The following PCNX2 variants were observed in gnomAD, a reference collection of about 807,000 sequenced individuals.
PCNX2 encodes pecanex-like protein 2.
PCNX2 carries 168 observed loss-of-function variants against 223.8 expected under a neutral mutation model. The ratio of observed to expected loss-of-function variants is 0.75; its 90% CI spans 0.66 to 0.85. PCNX2 has a LOEUF of 0.85. PCNX2 is among the 40% of genes least tolerant of loss of function. PCNX2 has a pLI of 0.00. For synonymous variants in PCNX2, 1,006 were observed against 1,052.6 expected (o/e 0.96, Z 0.86); for missense variants, 2,507 against 2,675.5 (o/e 0.94, Z 1.39).
intron 16 of PCNX2, among the ~76,000 whole-genome samples, chr1:233,178,459 A>T (rs184372082): frequency 5.9e-5 from 9 of 152,346 alleles, no homozygotes; most frequent in Admixed American, 5.2e-4. Context: ...CCAGTGCCAG[A>T]GTACACGTTA....
intron 28 of PCNX2, among the ~76,000 whole-genome samples, chr1:233,007,599 G>A (rs758213892): frequency 2.0e-5 from 3 of 152,110 alleles, no homozygotes; most frequent in East Asian, 3.8e-4. Context: ...GTGCCGTGGC[G>A]TGATCTCAAC....
At chr1:233,217,973 T>G (rs747309912) in intron 11 of PCNX2, 42 bp from the exon 12 acceptor site, 2 of 1,613,608 alleles carry the variant, frequency 1.2e-6, no homozygotes, top group Non-Finnish European at 1.7e-6. Context: ...CATCTCATGA[T>G]TTCAAGGCTA....
In PCNX2 at chr1:233,126,517, T is replaced by TTTG. The variant is rs1676109610; in HGVS notation, c.3837+8495_3837+8496insCAA. 2.0e-5 allele frequency among the ~76,000 whole-genome samples: 3 copies of TTTG among 147,948 alleles called. No homozygotes were observed. The highest frequency in any genetic ancestry group is 3.0e-5 in the Non-Finnish European group (2 of 66,972). On this transcript the variant is annotated intron_variant, in intron 21 of 33. Coordinates refer to ENST00000258229, the MANE Select transcript of PCNX2 (RefSeq NM_014801.4). The surrounding 1 kb of genome is among the most constrained non-coding windows in gnomAD (Gnocchi z 4.8). ...AAATTTGTGTGGTGTGTGTGTGTGT[T>TTTG]TGTGTGTGTGTGTGTGTGTGTAAAT...
At chr1:233,237,086 G>A in intron 8 of PCNX2, 106 bp from the exon 9 acceptor site, 14 of 1,407,062 alleles carry the variant, frequency 9.9e-6, no homozygotes, top group Non-Finnish European at 1.4e-5. Context: ...GCAGGTAGTG[G>A]ATGAGACTTT....
rs187884396 is a variant in PCNX2 at position 233,064,749 on chromosome 1, C to A, written c.4077-7459G>T. 1.9e-3 allele frequency among the ~76,000 whole-genome samples: 293 copies of A among 152,164 alleles called. 2 individuals carry two copies. The highest frequency in any genetic ancestry group is 6.1e-3 in the African/African-American group (252 of 41,504). ...ATGTATCTAGGAGGAATTTTACCAT[C>A]TATCATTTTTTGATACTTTTAGCAG... On this transcript the variant is annotated intron_variant, in intron 23 of 33. Coordinates refer to ENST00000258229, the MANE Select transcript of PCNX2 (RefSeq NM_014801.4).
At chr1:233,208,334 A>G (rs1182338313) in intron 13 of PCNX2, among the ~76,000 whole-genome samples, 184 bp downstream of exon 13, 1 of 152,252 alleles carries the variant, frequency 6.6e-6, no homozygotes, top group Non-Finnish European at 1.5e-5. Context: ...TTTAAAAATA[A>G]TTCCATAGTT....
intron 28 of PCNX2, among the ~76,000 whole-genome samples, chr1:233,004,310 C>T (rs1670200883): frequency 6.6e-6 from 1 of 152,136 alleles, no homozygotes; most frequent in Non-Finnish European, 1.5e-5. Flanking sequence ...ATTTCCCACA[C>T]ATCACTGAGT....
Position 233,000,768 on chromosome 1 carries a change from C to G in PCNX2, c.5098-233G>C, listed in dbSNP as rs1400471275. On this transcript the variant is annotated intron_variant, in intron 29 of 33. Transcript: ENST00000258229. This position sits in a 1 kb window ranked among gnomAD's most constrained non-coding sequence, Gnocchi z 4.6. ...AGCTTCATGGCTTAGGTTCCTCTGA[C>G]CTTTAGATATAGTTTTAGATATAGG... Among the ~76,000 whole-genome samples, 1 of 152,190 alleles carries G rather than the reference C, an allele frequency of 6.6e-6. No homozygotes were observed. Among genetic ancestry groups the G allele is most frequent in the African/African-American group, 2.4e-5 (1 of 41,442 alleles).
At chr1:232,999,479 G>C in intron 30 of PCNX2, 100 bp from the exon 31 acceptor site, 2 of 1,310,780 alleles carry the variant, frequency 1.5e-6, no homozygotes, top group Non-Finnish European at 2.0e-6. Flanking sequence ...TTGAGATAGA[G>C]TTTCGCTCTT....
intron 22 of PCNX2, among the ~76,000 whole-genome samples, chr1:233,092,847 A>G (rs567338842): frequency 6.7e-4 from 102 of 152,250 alleles, no homozygotes; most frequent in Non-Finnish European, 1.2e-3. Flanking sequence ...CACCCAGGCT[A>G]GAGTGCGGTG....
chr1:233,235,957 A>AAAAAATATATATATATAT (rs369886650), intron 9 of PCNX2, among the ~76,000 whole-genome samples: 8 of 93,102 alleles, frequency 8.6e-5, no homozygotes, highest in South Asian at 3.5e-4. Context: ...CATAAAAAAA[A>AAAAAATATATATATATAT]ATATATATAT....
At position 233,161,222 on chromosome 1, in the gene PCNX2, T is replaced by C. The variant is rs375731998; in HGVS notation, c.3366+49A>G. On this transcript the variant is annotated intron_variant, in intron 18 of 33. Coordinates refer to ENST00000258229, the MANE Select transcript of PCNX2 (RefSeq NM_014801.4). ...CTGTAGCTCCATGACAGCTTTGTTA[T>C]TAAGGAGAATAAGGGGGCAGGAAGA... 7.7e-5 allele frequency: 117 copies of C among 1,522,922 alleles called. 1 individual carries two copies. In the African/African-American group the frequency reaches 1.5e-3, roughly 19 times the overall value. 94.3% of individuals were successfully genotyped at this position (1,522,922 alleles called of 1,614,324 possible). A position where few individuals can be genotyped will look rare whatever the true frequency, so the allele number is the denominator to read the frequency against.
rs563827969 is a variant in PCNX2 at position 233,223,150 on chromosome 1, C to A, written c.2504+4076G>T. ...GTGACCAACAAGGCAGAAGGAAAACCAAGAGAATGCTGAGTCCTGGAAACC... is the reference window on the plus strand; with the variant it reads ...GTGACCAACAAGGCAGAAGGAAAACAAAGAGAATGCTGAGTCCTGGAAACC... On this transcript the variant is annotated intron_variant, in intron 10 of 33. Transcript: ENST00000258229. Among the ~76,000 whole-genome samples the A allele has an allele frequency of 2.5e-4, 38 of 152,168 alleles. 1 individual carries two copies. The South Asian group carries it at 5.0e-3, about 20-fold the overall frequency.
At chr1:233,160,493 CATGA>C in intron 18 of PCNX2, 60 bp from the exon 19 acceptor site, 3 of 1,528,818 alleles carry the variant, frequency 2.0e-6, no homozygotes, top group Non-Finnish European at 2.7e-6. Context: ...GAGGGATGCC[CATGA>C]ATAATACATA....
At chr1:233,247,013 G>A (rs1178362685) in intron 8 of PCNX2, among the ~76,000 whole-genome samples, 1 of 152,204 alleles carries the variant, frequency 6.6e-6, no homozygotes, top group Non-Finnish European at 1.5e-5. Flanking sequence ...CCCCATGAAT[G>A]GGTAGCACAG....
intron 1 of PCNX2, among the ~76,000 whole-genome samples, chr1:233,263,936 T>A (rs1660195548): frequency 6.6e-6 from 1 of 152,002 alleles, no homozygotes; most frequent in South Asian, 2.1e-4. Context: ...CTCCCTAACC[T>A]CCCACTGCGA....
intron 1 of PCNX2, among the ~76,000 whole-genome samples, chr1:233,276,908 C>T (rs1660944920): frequency 6.6e-6 from 1 of 152,250 alleles, no homozygotes; most frequent in Non-Finnish European, 1.5e-5. Flanking sequence ...CAATATAGCA[C>T]ACACTAGTGA....
intron 14 of PCNX2, among the ~76,000 whole-genome samples, chr1:233,199,855 C>T (rs148838073): frequency 4.7e-4 from 71 of 152,246 alleles, no homozygotes; most frequent in African/African-American, 1.7e-3. Flanking sequence ...CACACATTCA[C>T]ACACGGAGTG....
intron 25 of PCNX2, among the ~76,000 whole-genome samples, chr1:233,035,367 A>G (rs1671418840): frequency 6.6e-6 from 1 of 152,248 alleles, no homozygotes; most frequent in African/African-American, 2.4e-5. Context: ...AAAAAATCCA[A>G]AATTTCATCA....
Sources: gnomAD v4.1 joint callset for allele counts (sites outside exome capture counted in the v4.1 genomes callset) on GRCh38, gnomAD v4.1.1 for gene constraint, Gnocchi (gnomAD v3.1) non-coding constraint, MANE v1.5 for transcripts, NCBI Gene and HGNC (gene_info 2026-07-23, HGNC 2026-07-21) for gene names.